COP1: variants seen among roughly 807,000 people sequenced by gnomAD.
COP1 encodes COP1 E3 ubiquitin ligase.
Under a neutral mutation model 101.3 loss-of-function variants are expected in COP1, and 24 were observed. The ratio of observed to expected loss-of-function variants is 0.24; its 90% confidence interval spans 0.17 to 0.33. COP1 has a LOEUF of 0.33. Ranked by LOEUF, COP1 falls within the 10% of genes least tolerant of loss-of-function variation. The pLI, the probability that COP1 is intolerant of heterozygous loss-of-function variation, is 1.00. For synonymous variants in COP1, 347 were observed against 341.9 expected, an observed-to-expected ratio of 1.01 and a Z score of -0.17; for missense variants, 663 against 906.2, an observed-to-expected ratio of 0.73 and a Z score of 3.45.
At chr1:176,050,280 A>C (rs998127301) in intron 11 of COP1, among the ~76,000 whole-genome samples, 3 of 152,244 alleles carry the variant, frequency 2.0e-5, no homozygotes, top group African/African-American at 7.2e-5. Flanking sequence ...GTGATTAAGC[A>C]GCAAGGCAAG....
intron 9 of COP1, among the ~76,000 whole-genome samples, chr1:176,113,720 C>G (rs1685683252): frequency 6.6e-6 from 1 of 152,008 alleles, no homozygotes; most frequent in South Asian, 2.1e-4. Context: ...CTCAGTAAGA[C>G]AGTGTTAGAA....
intron 18 of COP1, among the ~76,000 whole-genome samples, chr1:175,948,293 G>A: frequency 6.6e-6 from 1 of 152,192 alleles, no homozygotes; most frequent in East Asian, 1.9e-4. Context: ...AAGGGCTCTG[G>A]AACTTGGATG....
Position 176,043,648 on chromosome 1 carries a change from C to A in COP1, c.1530+62G>T, listed in dbSNP as rs138078582. 3.8e-4 allele frequency: 365 copies of A among 967,996 alleles called. 1 individual carries two copies. The African/African-American group carries it at 5.4e-3, about 14-fold the overall frequency. The allele number at this position is 967,996 out of a possible 1,614,324, so 60.0% of individuals were successfully genotyped here. ...CTGTAATTATAAGGCACATGAAGTTCTAAAAGTTTTAACAAACCAAATGTA... is the reference window on the plus strand; with the variant it reads ...CTGTAATTATAAGGCACATGAAGTTATAAAAGTTTTAACAAACCAAATGTA... On this transcript the variant is annotated intron_variant, in intron 13 of 19. Transcript: ENST00000367669.
In COP1 at chr1:176,206,871, C is replaced by A. The variant is rs540270701; in HGVS notation, c.108G>T (p.Ser36=). The A allele has an allele frequency of 4.2e-6, 6 of 1,440,642 alleles. No individual in the cohort carries two copies. In the East Asian group the frequency reaches 1.5e-4, roughly 36 times the overall value. 89.2% of individuals were successfully genotyped at this position (1,440,642 alleles called of 1,614,324 possible). A position where few individuals can be genotyped will look rare whatever the true frequency, so the allele number is the denominator to read the frequency against. Residue 36 remains serine (S), a synonymous_variant, in exon 1 of 20, where the codon TCG becomes TCT. Coordinates refer to ENST00000367669, the MANE Select transcript of COP1 (RefSeq NM_022457.7). ...CCGCCGAAACCGCCACGGAAGGCGG[C>A]GACGGGGAAGAGGATAAAGACGAGG... is the stretch of plus-strand genomic sequence containing the variant. ...SASSSLSSSP[S]PPSVAVSAAA... is the part of the protein sequence containing the mutation.
intron 5 of COP1, among the ~76,000 whole-genome samples, chr1:176,156,868 G>A (rs982837544): frequency 5.3e-5 from 8 of 152,034 alleles, no homozygotes; most frequent in Non-Finnish European, 7.4e-5. Flanking sequence ...TAACACACTC[G>A]TCAGCAACTG....
chr1:176,043,752 A>G lies in COP1; in HGVS notation c.1488T>C (p.Ile496=). ...LASSDYEGTV[I]LWDGFTGQRS... ...TCTGTCCTGTGAATCCATCCCATAA[A>G]ATAACAGTGCCTTCATAATCACTGC... Residue 496 remains isoleucine, a synonymous_variant, in exon 13 of 20, where the codon ATT becomes ATC. Transcript: ENST00000367669. 1 of 1,611,748 alleles carries G rather than the reference A, an allele frequency of 6.2e-7. No individual in the cohort carries two copies. Among genetic ancestry groups the G allele is most frequent in the Middle Eastern group, 1.7e-4 (1 of 6,056 alleles).
chr1:176,121,687 C>A (rs755199569), intron 8 of COP1, among the ~76,000 whole-genome samples: 24 of 151,976 alleles, frequency 1.6e-4, no homozygotes, highest in Non-Finnish European at 1.3e-4. Context: ...GATGCAAAAT[C>A]CAACTGAAAA....
intron 9 of COP1, among the ~76,000 whole-genome samples, chr1:176,111,414 C>T (rs1685266100): frequency 6.6e-6 from 1 of 152,064 alleles, no homozygotes; most frequent in African/African-American, 2.4e-5. Flanking sequence ...CTGCCTCAGC[C>T]TCCTGAGCAG....
chr1:175,978,251 G>C (rs1282553075), intron 18 of COP1, among the ~76,000 whole-genome samples: 4 of 152,120 alleles, frequency 2.6e-5, no homozygotes, highest in Non-Finnish European at 4.4e-5. Flanking sequence ...AGGAAGAAAA[G>C]TTAAGAATCA....
At chr1:175,998,103 C>A in intron 15 of COP1, among the ~76,000 whole-genome samples, 2 of 105,658 alleles carry the variant, frequency 1.9e-5, no homozygotes, top group Non-Finnish European at 3.5e-5. Context: ...AAATGTGGCA[C>A]ATATACACCA....
At chr1:176,122,538 C>G (rs1312864219) in intron 8 of COP1, among the ~76,000 whole-genome samples, 1 of 152,092 alleles carries the variant, frequency 6.6e-6, no homozygotes, top group Non-Finnish European at 1.5e-5. Context: ...TCTATGATTT[C>G]TACAGGAAAG....
At chr1:176,010,960 G>A (rs576952614) in intron 15 of COP1, among the ~76,000 whole-genome samples, 2 of 152,142 alleles carry the variant, frequency 1.3e-5, no homozygotes, top group South Asian at 4.1e-4. Flanking sequence ...GGAGCCTGAG[G>A]ACAGATTAAA....
At chr1:176,158,530 C>T (rs940016440) in intron 5 of COP1, among the ~76,000 whole-genome samples, 8 of 150,340 alleles carry the variant, frequency 5.3e-5, no homozygotes, top group South Asian at 4.2e-4. Context: ...TTAATAACAA[C>T]GTATTGTGGA....
At chr1:175,963,943 A>C (rs931145991) in intron 18 of COP1, among the ~76,000 whole-genome samples, 3 of 152,244 alleles carry the variant, frequency 2.0e-5, no homozygotes, top group African/African-American at 7.2e-5. Context: ...TGAACTAAAA[A>C]CAAGTACAGT....
intron 15 of COP1, among the ~76,000 whole-genome samples, chr1:175,996,716 G>C (rs1660242972): frequency 6.6e-6 from 1 of 152,130 alleles, no homozygotes; most frequent in South Asian, 2.1e-4. Context: ...TCTTCAAGGA[G>C]AACTACAAAC....
chr1:176,136,191 T>C (rs1376123489), intron 7 of COP1, among the ~76,000 whole-genome samples: 1 of 152,066 alleles, frequency 6.6e-6, no homozygotes, highest in Non-Finnish European at 1.5e-5. Flanking sequence ...GTAGTGGTAA[T>C]AATTGACAGT....
intron 9 of COP1, chr1:176,100,258 A>G: frequency 4.1e-6 from 1 of 243,154 alleles, no homozygotes. Flanking sequence ...GTGTGGAGGC[A>G]GGCGCCGGTA....
intron 12 of COP1, among the ~76,000 whole-genome samples, chr1:176,044,963 G>C (rs1671258958): frequency 6.6e-6 from 1 of 152,098 alleles, no homozygotes; most frequent in Non-Finnish European, 1.5e-5. Flanking sequence ...GTGCATTATG[G>C]GGATTTTTTA....
intron 15 of COP1, among the ~76,000 whole-genome samples, chr1:176,019,505 T>C (rs112913001): frequency 4.4e-4 from 59 of 133,156 alleles, no homozygotes; most frequent in African/African-American, 1.2e-3. Flanking sequence ...ATAATAATAA[T>C]AACCATCATC....
Sources: allele counts gnomAD v4.1 joint callset (sites outside exome capture counted in the v4.1 genomes callset), GRCh38; gene constraint gnomAD v4.1.1; transcripts MANE v1.5; gene names NCBI Gene and HGNC (gene_info 2026-07-23, HGNC 2026-07-21).